Variants in TBCD observed in about 807,000 individuals in gnomAD.
The protein encoded by TBCD is tubulin folding cofactor D.
In TBCD, 105 loss-of-function variants were observed where a neutral mutation model predicts 169.3. The observed-to-expected ratio is 0.62, with a 90% CI of 0.53 to 0.73. The LOEUF is 0.73. TBCD is among the 30% of genes least tolerant of loss of function. The pLI is 0.00. For missense variants in TBCD, 1,444 were observed against 1,600.1 expected (o/e 0.90, Z 1.66); for synonymous variants, 700 against 643.9 (o/e 1.09, Z -1.32).
chr17:82,939,108 C>T, intron 36 of TBCD: 1 of 523,212 alleles, frequency 1.9e-6, no homozygotes, highest in Non-Finnish European at 3.4e-6. Flanking sequence ...GTTAATAAAG[C>T]ATTTAAACAA....
chr17:82,837,788 G>A (rs986305901), intron 13 of TBCD, among the ~76,000 whole-genome samples: 4 of 152,232 alleles, frequency 2.6e-5, no homozygotes, highest in African/African-American at 4.8e-5. Context: ...ACTGCTGCTG[G>A]CTAATGTGTG....
chr17:82,805,207 C>A (rs1282671078), intron 9 of TBCD, among the ~76,000 whole-genome samples: 2 of 152,200 alleles, frequency 1.3e-5, no homozygotes, highest in Non-Finnish European at 2.9e-5. Flanking sequence ...GGACTGCGTT[C>A]CCATTTTATA....
chr17:82,821,719 C>T (rs1042241388), intron 13 of TBCD, among the ~76,000 whole-genome samples: 2 of 152,100 alleles, frequency 1.3e-5, no homozygotes, highest in African/African-American at 4.8e-5. Flanking sequence ...CCCATTCTAA[C>T]CTTCCTGCAA....
chr17:82,839,480 CAT>C (rs930011052), intron 13 of TBCD, among the ~76,000 whole-genome samples: 18 of 151,816 alleles, frequency 1.2e-4, no homozygotes, highest in Non-Finnish European at 2.5e-4. Context: ...ATACACCACA[CAT>C]ATATATAACC....
chr17:82,822,441 C>T (rs912010457), intron 13 of TBCD, among the ~76,000 whole-genome samples: 2 of 152,154 alleles, frequency 1.3e-5, no homozygotes, highest in East Asian at 1.9e-4. Flanking sequence ...GTGAAGGAGC[C>T]GAGCAGGATG....
intron 23 of TBCD, chr17:82,912,888 C>T (rs1157750371): frequency 1.3e-5 from 2 of 152,300 alleles, no homozygotes; most frequent in African/African-American, 2.4e-5. Context: ...TGATGGACGT[C>T]ACGGGAAAGT....
intron 6 of TBCD, among the ~76,000 whole-genome samples, chr17:82,772,928 C>T (rs2048378936): frequency 6.6e-6 from 1 of 152,162 alleles, no homozygotes; most frequent in Admixed American, 6.5e-5. Flanking sequence ...ACTGCACCCC[C>T]CGTGTGCCCC....
intron 13 of TBCD, among the ~76,000 whole-genome samples, chr17:82,869,511 C>G (rs912323266): frequency 1.3e-5 from 2 of 152,104 alleles, no homozygotes; most frequent in African/African-American, 4.8e-5. Context: ...CAGAGCCAGA[C>G]CCTGTCTCAA....
In TBCD at chr17:82,831,210, C is replaced by T. The variant is rs148917942; in HGVS notation, c.1318+16276C>T. The T allele has an allele frequency of 1.8e-3, 2,899 of 1,614,072 alleles. 4 individuals are homozygous for T. The highest frequency in any genetic ancestry group is 2.3e-3 in the Non-Finnish European group (2,733 of 1,180,038). On this transcript the variant is annotated intron_variant, in intron 13 of 38. Transcript: ENST00000355528. This position sits in a 1 kb window ranked among gnomAD's most constrained non-coding sequence, Gnocchi z 4.6. Reference sequence around the variant, plus strand: ...TCGTCTGCATGAAGTCGGTGGGGCTCGGCCTCCCTGGGGAGCCCGTGGCTG... The same window carrying T: ...TCGTCTGCATGAAGTCGGTGGGGCTTGGCCTCCCTGGGGAGCCCGTGGCTG...
In TBCD at chr17:82,766,265, A is replaced by C; in HGVS notation, c.334-2A>C. The C allele has an allele frequency of 3.1e-6, 5 of 1,605,498 alleles. No individual in the cohort carries two copies. The highest frequency in any genetic ancestry group is 4.3e-6 in the Non-Finnish European group (5 of 1,175,224). On this transcript the variant is annotated splice_acceptor_variant, in intron 3 of 38. Transcript: ENST00000355528. LOFTEE classifies it high-confidence loss of function. ...ATAATTCAGCATCTCTTTATTTGAT[A>C]GGTTCGAGGCTATAAAACATTTCTT...
chr17:82,810,742 G>C (rs976311861), intron 12 of TBCD, among the ~76,000 whole-genome samples: 1 of 152,210 alleles, frequency 6.6e-6, no homozygotes, highest in African/African-American at 2.4e-5. Context: ...TCAGGACCCC[G>C]GGCGTGCTGT....
At chr17:82,756,347 G>A in intron 2 of TBCD, 132 bp downstream of exon 2, 1 of 983,896 alleles carries the variant, frequency 1.0e-6, no homozygotes, top group South Asian at 1.4e-5. Context: ...TGCTTGCCTG[G>A]CTGGTTGGTT....
At chr17:82,907,679 G>C in intron 20 of TBCD, 82 bp from the exon 21 acceptor site, 2 of 1,492,066 alleles carry the variant, frequency 1.3e-6, no homozygotes, top group African/African-American at 1.4e-5. Flanking sequence ...GTCTTGGGGA[G>C]TGTGGCCTCA....
chr17:82,822,570 G>A (rs2052503203), intron 13 of TBCD, among the ~76,000 whole-genome samples: 1 of 152,188 alleles, frequency 6.6e-6, no homozygotes, highest in Admixed American at 6.5e-5. Flanking sequence ...GGGGCTTCAG[G>A]AACACAGTGA....
chr17:82,830,468 C>T lies in TBCD; in HGVS notation c.1318+15534C>T, dbSNP rs374408281. 160 of 1,612,906 alleles carry T rather than the reference C, an allele frequency of 9.9e-5. No homozygotes were observed. The East Asian group carries it at 3.2e-3, about 33-fold the overall frequency. On this transcript the variant is annotated intron_variant, in intron 13 of 38. Transcript: ENST00000355528. ...ACCGCGCATGCGTCTGGAGCCTCCT[C>T]GCCGGGGCCTGTGGGTGGGGCCCCG...
intron 6 of TBCD, among the ~76,000 whole-genome samples, chr17:82,778,446 A>G (rs928220756): frequency 9.2e-5 from 14 of 152,016 alleles, no homozygotes; most frequent in Non-Finnish European, 1.5e-4. Context: ...GGGAGGACAC[A>G]TGAGTTTCTT....
chr17:82,929,879 G>C, intron 32 of TBCD: 2 of 392,948 alleles, frequency 5.1e-6, no homozygotes, highest in Non-Finnish European at 9.7e-6. Flanking sequence ...TCCAGGCCCA[G>C]CTTCTCATGT....
At chr17:82,885,156 T>C (rs549554358) in intron 15 of TBCD, among the ~76,000 whole-genome samples, 1 of 151,668 alleles carries the variant, frequency 6.6e-6, no homozygotes, top group African/African-American at 2.4e-5. Context: ...GTGCTGGGAC[T>C]GGTGAGGGTT....
rs1863027678 is a variant in TBCD at position 82,930,503 on chromosome 17, A to T, written c.2992-19A>T. 6.2e-7 allele frequency: 1 copy of T among 1,610,362 alleles called. No individual in the cohort carries two copies. Among genetic ancestry groups the T allele is most frequent in the South Asian group, 1.1e-5 (1 of 90,426 alleles). ...GGCTCGGGGGTCCCACTGCCTTCTG[A>T]GGTGTCTCCGTGTTGCAGATCCGGC... On this transcript the variant is annotated intron_variant, in intron 32 of 38. Transcript: ENST00000355528. The surrounding 1 kb of genome is among the most constrained non-coding windows in gnomAD (Gnocchi z 5.2).
Sources: gnomAD v4.1 joint callset for allele counts (sites outside exome capture counted in the v4.1 genomes callset) on GRCh38, gnomAD v4.1.1 for gene constraint, Gnocchi (gnomAD v3.1) non-coding constraint, MANE v1.5 for transcripts, NCBI Gene and HGNC (gene_info 2026-07-23, HGNC 2026-07-21) for gene names.